FKTN: variants seen among roughly 807,000 people sequenced by gnomAD.
The protein encoded by FKTN is ribitol-5-phosphate transferase FKTN.
In FKTN, 47 loss-of-function variants were observed where a neutral mutation model predicts 58.6. The ratio of observed to expected loss-of-function variants is 0.80; its 90% confidence interval spans 0.63 to 1.02. The LOEUF (loss-of-function observed/expected upper bound fraction) is 1.02, where lower values mean the gene tolerates loss of function less well. Ranked by LOEUF, FKTN falls within the 50% of genes least tolerant of loss-of-function variation. The probability of loss-of-function intolerance (pLI) is 0.00; values close to 1 mark genes in which losing one functional copy is unlikely to be tolerated. For missense variants in FKTN, 516 were observed against 537.3 expected, an observed-to-expected ratio of 0.96 and a Z score of 0.39; for synonymous variants, 178 against 191.9, an observed-to-expected ratio of 0.93 and a Z score of 0.60.
chr9:105,615,208 C>G, intron 7 of FKTN, 70 bp from the exon 8 acceptor site: 2 of 1,530,560 alleles, frequency 1.3e-6, no homozygotes, highest in East Asian at 2.3e-5. Context: ...AAATTTAATT[C>G]AGATGCCACA....
intron 10 of FKTN, among the ~76,000 whole-genome samples, chr9:105,632,035 T>G (rs1463403708): frequency 6.6e-6 from 1 of 150,508 alleles, no homozygotes; most frequent in Non-Finnish European, 1.5e-5. Flanking sequence ...CCAACAATGA[T>G]AGACTGGATT....
chr9:105,597,277 T>C (rs1826984824), intron 4 of FKTN, among the ~76,000 whole-genome samples: 1 of 152,166 alleles, frequency 6.6e-6, no homozygotes, highest in South Asian at 2.1e-4. Flanking sequence ...CTTCAATCTT[T>C]GGCTTCTCTA....
chr9:105,626,032 C>G (rs993313527), intron 10 of FKTN, among the ~76,000 whole-genome samples: 1 of 152,034 alleles, frequency 6.6e-6, no homozygotes, highest in Admixed American at 6.6e-5. Flanking sequence ...TTGTGAGAAC[C>G]ATCCATATTT....
At chr9:105,609,958 A>G (rs1485370918) in intron 7 of FKTN, among the ~76,000 whole-genome samples, 1 of 152,040 alleles carries the variant, frequency 6.6e-6, no homozygotes, top group Non-Finnish European at 1.5e-5. Context: ...TACATTTTCA[A>G]TTTATTTGTT....
chr9:105,598,131 C>T (rs1220074406), intron 4 of FKTN: 1 of 468,174 alleles, frequency 2.1e-6, no homozygotes, highest in Non-Finnish European at 4.4e-6. Context: ...TTTTCAAAGT[C>T]TTTACTTCCA....
chr9:105,626,353 G>A (rs1832733893), intron 10 of FKTN, among the ~76,000 whole-genome samples: 1 of 152,188 alleles, frequency 6.6e-6, no homozygotes, highest in African/African-American at 2.4e-5. Flanking sequence ...GCATGGTCAG[G>A]TTCTGGTGAA....
At position 105,619,971 on chromosome 9, in the gene FKTN, A is replaced by C; in HGVS notation, c.1082A>C (p.Asp361Ala). The C allele has an allele frequency of 1.9e-6, 3 of 1,612,802 alleles. No individual in the cohort carries two copies. The highest frequency in any genetic ancestry group is 2.5e-6 in the Non-Finnish European group (3 of 1,179,026). ...DSLELSFQGK[D>A]DVKLDVFFFY... ...TTGGAACTATCCTTCCAGGGAAAAG[A>C]TGATGTAAAACTTGATGTTTTTTTC... Residue 361 changes from aspartate (D) to alanine (A), a missense_variant, in exon 10 of 11, where the codon GAT (aspartate) becomes GCT (alanine). Asp to Ala is a moderately radical substitution (Grantham distance 126). Transcript: ENST00000357998.
intron 10 of FKTN, chr9:105,623,014 A>G (rs957756400): frequency 2.0e-5 from 3 of 152,088 alleles, no homozygotes; most frequent in Non-Finnish European, 4.4e-5. Context: ...TCCATTTAAA[A>G]ATATTGACTG....
intron 10 of FKTN, among the ~76,000 whole-genome samples, chr9:105,622,199 C>G (rs1471372104): frequency 6.6e-6 from 1 of 152,036 alleles, no homozygotes; most frequent in East Asian, 1.9e-4. Flanking sequence ...ATTAGAATTA[C>G]TGTTCAAACT....
At chr9:105,593,142 T>A (rs1352114744) in intron 3 of FKTN, among the ~76,000 whole-genome samples, 1 of 152,232 alleles carries the variant, frequency 6.6e-6, no homozygotes, top group East Asian at 1.9e-4. Flanking sequence ...TGGCATCTGC[T>A]TGGCTTCTGT....
At chr9:105,581,350 G>A (rs956991049) in intron 3 of FKTN, among the ~76,000 whole-genome samples, 47 of 148,428 alleles carry the variant, frequency 3.2e-4, no homozygotes, top group Admixed American at 7.4e-4. Flanking sequence ...TTTTCGGTGT[G>A]GATGTCCTTT....
chr9:105,614,253 T>C (rs1830429572), intron 7 of FKTN, among the ~76,000 whole-genome samples: 1 of 152,190 alleles, frequency 6.6e-6, no homozygotes, highest in South Asian at 2.1e-4. Context: ...GACTAAATGA[T>C]ATATATGACC....
At chr9:105,608,311 T>C (rs1829283159) in intron 7 of FKTN, among the ~76,000 whole-genome samples, 1 of 152,214 alleles carries the variant, frequency 6.6e-6, no homozygotes. Context: ...CATGTAGATT[T>C]AGAAAAGACT....
At chr9:105,582,222 C>T (rs552484901) in intron 3 of FKTN, among the ~76,000 whole-genome samples, 1 of 152,080 alleles carries the variant, frequency 6.6e-6, no homozygotes, top group African/African-American at 2.4e-5. Context: ...GAGAGGATCT[C>T]GCTTCGTCAC....
chr9:105,581,998 T>C (rs1045950305), intron 3 of FKTN, among the ~76,000 whole-genome samples: 1 of 152,178 alleles, frequency 6.6e-6, no homozygotes, highest in Non-Finnish European at 1.5e-5. Flanking sequence ...GCTTCCCAGG[T>C]GAGGCAATGC....
chr9:105,578,650 G>T (rs1842245675), intron 3 of FKTN, among the ~76,000 whole-genome samples: 1 of 151,924 alleles, frequency 6.6e-6, no homozygotes, highest in East Asian at 1.9e-4. Flanking sequence ...TTGAGTCTCT[G>T]CCCGGCTTTG....
intron 7 of FKTN, among the ~76,000 whole-genome samples, chr9:105,608,882 A>G (rs1470738295): frequency 6.6e-6 from 1 of 152,368 alleles, no homozygotes; most frequent in East Asian, 1.9e-4. Flanking sequence ...CTACTCTAGT[A>G]GAAAAGTGCT....
chr9:105,558,552 C>CA (rs1246475832), intron 1 of FKTN, among the ~76,000 whole-genome samples: 4 of 151,864 alleles, frequency 2.6e-5, no homozygotes, highest in Admixed American at 2.6e-4. Flanking sequence ...AGCCGTGAGC[C>CA]ACCGCGCCCG....
At position 105,587,721 on chromosome 9, in the gene FKTN, T is replaced by C. The variant is rs149605635; in HGVS notation, c.106-8877T>C. On this transcript the variant is annotated intron_variant, in intron 3 of 10. Coordinates refer to ENST00000357998, the MANE Select transcript of FKTN (RefSeq NM_001079802.2). The stretch of plus-strand genomic sequence containing the variant: ...AATTGAAGGGTGTTTTTATAGTCTT[T>C]CCATTTTTTCATTTATTCTCAAACA... 1.2e-4 allele frequency among the ~76,000 whole-genome samples: 19 copies of C among 152,304 alleles called. No homozygotes were observed. In the East Asian group the frequency reaches 3.7e-3, roughly 29 times the overall value.
Sources: gnomAD v4.1 joint callset for allele counts (sites outside exome capture counted in the v4.1 genomes callset) on GRCh38, gnomAD v4.1.1 for gene constraint, MANE v1.5 for transcripts, NCBI Gene and HGNC (gene_info 2026-07-23, HGNC 2026-07-21) for gene names.